The following PALLD variants were observed in gnomAD, a reference collection of about 807,000 sequenced individuals.
The protein encoded by PALLD is palladin.
Under a neutral mutation model 123.5 loss-of-function variants are expected in PALLD, and 61 were observed. The observed-to-expected ratio is 0.49, with a 90% CI of 0.40 to 0.61. The LOEUF is 0.61. Ranked by LOEUF, PALLD falls within the 20% of genes least tolerant of loss-of-function variation. PALLD has a pLI of 0.00. For missense variants in PALLD, 1,273 were observed against 1,377.0 expected, an observed-to-expected ratio of 0.92 and a Z score of 1.20; for synonymous variants, 465 against 496.4, an observed-to-expected ratio of 0.94 and a Z score of 0.84.
At position 168,890,979 on chromosome 4, in the gene PALLD, A is replaced by G; in HGVS notation, c.2022A>G (p.Gln674=). Residue 674 remains glutamine, a synonymous_variant, in exon 11 of 22, where the codon CAA becomes CAG. Coordinates refer to ENST00000505667, the MANE Select transcript of PALLD (RefSeq NM_001166108.2). ...TARIASDEEI[Q]GTKDAVIQDL... ...GAATAGCCTCCGATGAGGAAATTCAAGGCACAAAGGATGCTGTTATTCAAG... is the reference window on the plus strand; with the variant it reads ...GAATAGCCTCCGATGAGGAAATTCAGGGCACAAAGGATGCTGTTATTCAAG... 1 of 1,614,024 alleles carries G rather than the reference A, an allele frequency of 6.2e-7. No homozygotes were observed. Among genetic ancestry groups the G allele is most frequent in the Non-Finnish European group, 8.5e-7 (1 of 1,179,872 alleles).
intron 10 of PALLD, among the ~76,000 whole-genome samples, chr4:168,848,309 A>C (rs914588411): frequency 1.3e-5 from 2 of 152,178 alleles, no homozygotes. Flanking sequence ...ACTAAAAATC[A>C]AAGCTGTAAA....
rs374330767 is a variant in PALLD at position 168,606,167 on chromosome 4, G to A, written c.909-62023G>A. ...GAAACTTATGGTTGTTTTAGTTTGT[G>A]TCTCTTTGATTATCAGGGAAGTTGA... On this transcript the variant is annotated intron_variant, in intron 2 of 21. Transcript: ENST00000505667. Among the ~76,000 whole-genome samples the A allele has an allele frequency of 3.3e-3, 504 of 152,240 alleles. 5 individuals are homozygous for A. The highest frequency in any genetic ancestry group is 0.011 in the African/African-American group (472 of 41,548).
intron 8 of PALLD, among the ~76,000 whole-genome samples, chr4:168,697,681 G>A (rs941786371): frequency 2.6e-5 from 4 of 152,054 alleles, no homozygotes; most frequent in Non-Finnish European, 5.9e-5. Context: ...TCTAGAAGTC[G>A]GCCATGTTGA....
At chr4:168,791,014 C>G (rs1737437305) in intron 10 of PALLD, among the ~76,000 whole-genome samples, 1 of 152,138 alleles carries the variant, frequency 6.6e-6, no homozygotes, top group Non-Finnish European at 1.5e-5. Flanking sequence ...TATTCCATAT[C>G]CCTATGTTAT....
intron 5 of PALLD, 39 bp downstream of exon 5, chr4:168,683,142 C>A: frequency 1.8e-6 from 2 of 1,130,980 alleles, no homozygotes; most frequent in Non-Finnish European, 2.7e-6. Flanking sequence ...AGGGGTCGAA[C>A]TCATCAGCAA....
chr4:168,565,200 C>G (rs1295035487), intron 2 of PALLD, among the ~76,000 whole-genome samples: 1 of 149,310 alleles, frequency 6.7e-6, no homozygotes, highest in African/African-American at 2.5e-5. Context: ...TAGTCTTTCA[C>G]TTTTTTTTTT....
intron 2 of PALLD, among the ~76,000 whole-genome samples, chr4:168,617,623 T>G (rs1273084039): frequency 6.6e-6 from 1 of 152,198 alleles, no homozygotes; most frequent in East Asian, 1.9e-4. Flanking sequence ...TCCCTGGGTC[T>G]GAATACTGGG....
chr4:168,723,773 T>C (rs1371057066), intron 10 of PALLD, among the ~76,000 whole-genome samples: 4 of 152,218 alleles, frequency 2.6e-5, no homozygotes, highest in Non-Finnish European at 5.9e-5. Context: ...TGGAAGGAAA[T>C]AGAGCCATTT....
intron 10 of PALLD, among the ~76,000 whole-genome samples, chr4:168,808,938 T>A (rs1740646624): frequency 6.6e-6 from 1 of 152,208 alleles, no homozygotes; most frequent in Admixed American, 6.5e-5. Context: ...ATCAAGTATA[T>A]AAGCAGGCCA....
chr4:168,707,063 TG>T (rs980029694), intron 8 of PALLD, among the ~76,000 whole-genome samples: 35 of 152,330 alleles, frequency 2.3e-4, no homozygotes, highest in African/African-American at 6.3e-4. Flanking sequence ...TAGACAAAAA[TG>T]TTTTTTTTAA....
At chr4:168,767,818 A>G (rs1330742445) in intron 10 of PALLD, among the ~76,000 whole-genome samples, 1 of 152,146 alleles carries the variant, frequency 6.6e-6, no homozygotes, top group Non-Finnish European at 1.5e-5. Flanking sequence ...AAGTGCTGGG[A>G]TTACAGGCAT....
At chr4:168,576,041 A>T (rs886370442) in intron 2 of PALLD, among the ~76,000 whole-genome samples, 3 of 152,128 alleles carry the variant, frequency 2.0e-5, no homozygotes, top group Admixed American at 2.0e-4. Context: ...GGATAAAATC[A>T]TCTATGGAAT....
chr4:168,662,155 A>T (rs576083720), intron 2 of PALLD, among the ~76,000 whole-genome samples: 1 of 152,280 alleles, frequency 6.6e-6, no homozygotes, highest in African/African-American at 2.4e-5. Flanking sequence ...TAATTTTTTG[A>T]TATGCTACCC....
chr4:168,711,700 C>G lies in PALLD; in HGVS notation c.1741C>G (p.Pro581Ala). 1.2e-6 allele frequency: 2 copies of G among 1,614,124 alleles called. No individual in the cohort carries two copies. The highest frequency in any genetic ancestry group is 1.7e-6 in the Non-Finnish European group (2 of 1,179,992). ...TTCCTTGGAGTTGGCTTCAAAGAAA[C>G]CATCTGAGATCCAGCAGGTGAACAA... is the stretch of plus-strand genomic sequence containing the variant. Reference protein sequence around the residue: ...TSSLELASKKPSEIQQVNNPE... With the variant: ...TSSLELASKKASEIQQVNNPE... Residue 581 changes from proline to alanine, a missense_variant, in exon 10 of 22, where the codon CCA becomes GCA. Physicochemically the swap from Pro to Ala is conservative, Grantham distance 27. Coordinates refer to ENST00000505667, the MANE Select transcript of PALLD (RefSeq NM_001166108.2).
At chr4:168,633,077 G>A (rs1775993998) in intron 2 of PALLD, among the ~76,000 whole-genome samples, 1 of 152,180 alleles carries the variant, frequency 6.6e-6, no homozygotes, top group South Asian at 2.1e-4. Context: ...ATCCTAGTAG[G>A]TTAAGTTGAA....
At chr4:168,751,156 G>C (rs1470094242) in intron 10 of PALLD, among the ~76,000 whole-genome samples, 1 of 151,970 alleles carries the variant, frequency 6.6e-6, no homozygotes, top group African/African-American at 2.4e-5. Context: ...GGGATTATAG[G>C]CATGTGCCAC....
At chr4:168,832,035 G>T (rs1211461840) in intron 10 of PALLD, 1 of 985,330 alleles carries the variant, frequency 1.0e-6, no homozygotes, top group African/African-American at 1.7e-5. Flanking sequence ...TGAAGGCTCG[G>T]AGCCTCCTGA....
At position 168,804,567 on chromosome 4, in the gene PALLD, C is replaced by G. The variant is rs533292591; in HGVS notation, c.1965-86355C>G. Among the ~76,000 whole-genome samples the G allele has an allele frequency of 3.7e-3, 562 of 152,280 alleles. 2 individuals are homozygous for G. The highest frequency in any genetic ancestry group is 6.4e-3 in the Non-Finnish European group (433 of 68,020). ...CGGATGCAAAAGTAAACAAATAGGC[C>G]CCCATCAGCCCATCGGGGCAGCAGC... On this transcript the variant is annotated intron_variant, in intron 10 of 21. Transcript: ENST00000505667.
rs70961551 is a variant in PALLD at position 168,689,432 on chromosome 4, C to CTTTTTTTTTTTTT, written c.1336-1150_1336-1138dup. On this transcript the variant is annotated intron_variant, in intron 6 of 21. Transcript: ENST00000505667. ...TACACCTTACATTCGATCCAATATT[C>CTTTTTTTTTTTTT]TTTTTTTTTTTTTTTTTTTTTTTTT... is the stretch of plus-strand genomic sequence containing the variant. Among the ~76,000 whole-genome samples the CTTTTTTTTTTTTT allele has an allele frequency of 2.0e-4, 10 of 49,834 alleles. 2 individuals carry two copies. Among genetic ancestry groups the CTTTTTTTTTTTTT allele is most frequent in the Admixed American group, 7.0e-4 (2 of 2,864 alleles). The allele number at this position is 49,834 out of a possible 152,430, so 32.7% of individuals were successfully genotyped here.
Sources: gnomAD v4.1 joint callset for allele counts (sites outside exome capture counted in the v4.1 genomes callset) on GRCh38, gnomAD v4.1.1 for gene constraint, MANE v1.5 for transcripts, NCBI Gene and HGNC (gene_info 2026-07-23, HGNC 2026-07-21) for gene names.